Variants in CAPZB observed in about 807,000 individuals in gnomAD.
CAPZB encodes the protein F-actin-capping protein subunit beta.
In CAPZB, 2 loss-of-function variants were observed where a neutral mutation model predicts 38.1. The ratio of observed to expected loss-of-function variants is 0.05; its 90% CI spans 0.02 to 0.17. The LOEUF is 0.17. Ranked by LOEUF, CAPZB falls within the 10% of genes least tolerant of loss-of-function variation. The probability of loss-of-function intolerance (pLI) is 1.00; values close to 1 mark genes in which losing one functional copy is unlikely to be tolerated. For synonymous variants in CAPZB, 107 were observed against 127.4 expected (o/e 0.84, Z 1.08); for missense variants, 161 against 334.2 (o/e 0.48, Z 4.04).
chr1:19,484,767 A>G, intron 1 of CAPZB: 1 of 993,604 alleles, frequency 1.0e-6, no homozygotes, highest in Non-Finnish European at 1.2e-6. Flanking sequence ...GAGTGGCGAA[A>G]AGTCCAGGGA....
chr1:19,413,727 G>A (rs2094367314), intron 2 of CAPZB, among the ~76,000 whole-genome samples: 1 of 152,174 alleles, frequency 6.6e-6, no homozygotes, highest in South Asian at 2.1e-4. Flanking sequence ...GGGAAGCTAG[G>A]GAAGAAGAAA....
At chr1:19,390,370 C>T (rs1162286236) in intron 2 of CAPZB, among the ~76,000 whole-genome samples, 5 of 152,240 alleles carry the variant, frequency 3.3e-5, no homozygotes, top group South Asian at 4.1e-4. Flanking sequence ...TGCTGACACG[C>T]GGCAGCCGGA....
intron 1 of CAPZB, among the ~76,000 whole-genome samples, chr1:19,469,778 A>G (rs2094580687): frequency 6.7e-6 from 1 of 149,994 alleles, no homozygotes; most frequent in African/African-American, 2.5e-5. Context: ...ACACACACAC[A>G]CACACACGCC....
rs2094019363 is a variant in CAPZB, at chr1:19,356,040, A to C, written c.588+595T>G. Among the ~76,000 whole-genome samples, 1 of 152,148 alleles carries C rather than the reference A, an allele frequency of 6.6e-6. No homozygotes were observed. The highest frequency in any genetic ancestry group is 1.5e-5 in the Non-Finnish European group (1 of 68,030). On this transcript the variant is annotated intron_variant, in intron 6 of 8. Coordinates refer to ENST00000264202, the MANE Select transcript of CAPZB (RefSeq NM_004930.5). The surrounding 1 kb of genome is among the most constrained non-coding windows in gnomAD (Gnocchi z 4.3). ...GGAGAAGGGTTGCTAGTGATACCCA[A>C]ACAAAAGATGGATAAGAGAGAGGTA...
At chr1:19,454,776 T>C (rs1355849836) in intron 1 of CAPZB, among the ~76,000 whole-genome samples, 2 of 152,118 alleles carry the variant, frequency 1.3e-5, no homozygotes, top group Admixed American at 6.5e-5. Flanking sequence ...ATTCAAGGAG[T>C]AGAGCTTAGA....
At chr1:19,358,999 G>A (rs1466527191) in intron 4 of CAPZB, among the ~76,000 whole-genome samples, 1 of 152,208 alleles carries the variant, frequency 6.6e-6, no homozygotes, top group African/African-American at 2.4e-5. Context: ...CCAGCGGTGT[G>A]AATATGGGCC....
intron 2 of CAPZB, among the ~76,000 whole-genome samples, chr1:19,404,119 G>A (rs2094317583): frequency 6.6e-6 from 1 of 151,062 alleles, no homozygotes; most frequent in Admixed American, 6.6e-5. Context: ...TGTAGTCCCA[G>A]CTACTCGGGA....
At chr1:19,354,870 G>C (rs2094011619) in intron 6 of CAPZB, among the ~76,000 whole-genome samples, 1 of 152,200 alleles carries the variant, frequency 6.6e-6, no homozygotes, top group Non-Finnish European at 1.5e-5. Context: ...AGGCTGCAGG[G>C]GAGCTGGCTG....
chr1:19,435,385 G>C (rs1449284296), intron 1 of CAPZB, among the ~76,000 whole-genome samples: 5 of 152,134 alleles, frequency 3.3e-5, no homozygotes, highest in African/African-American at 1.2e-4. Context: ...GAAGCAACAA[G>C]TTCCAGTTCC....
intron 1 of CAPZB, among the ~76,000 whole-genome samples, chr1:19,427,512 G>C (rs1049130665): frequency 6.6e-6 from 1 of 152,188 alleles, no homozygotes; most frequent in Non-Finnish European, 1.5e-5. Context: ...TTTAAACGTC[G>C]AATCTGTTTT....
chr1:19,453,764 G>A (rs2100708567), intron 1 of CAPZB, among the ~76,000 whole-genome samples: 1 of 152,278 alleles, frequency 6.6e-6, no homozygotes, highest in Admixed American at 6.5e-5. Flanking sequence ...GCTTTGTCTT[G>A]TTCACCATCC....
chr1:19,481,442 C>T (rs1177437357), intron 1 of CAPZB, among the ~76,000 whole-genome samples: 1 of 152,200 alleles, frequency 6.6e-6, no homozygotes, highest in African/African-American at 2.4e-5. Context: ...CAGCACATGA[C>T]TTGGGCTGAC....
chr1:19,353,274 G>T (rs763729033), intron 6 of CAPZB, among the ~76,000 whole-genome samples: 1 of 152,146 alleles, frequency 6.6e-6, no homozygotes, highest in Non-Finnish European at 1.5e-5. Context: ...CCTGACACAC[G>T]TGGGGCAAGG....
At chr1:19,469,360 T>A (rs2094578901) in intron 1 of CAPZB, among the ~76,000 whole-genome samples, 1 of 152,140 alleles carries the variant, frequency 6.6e-6, no homozygotes, top group South Asian at 2.1e-4. Flanking sequence ...CCATTCATGG[T>A]AAGGACAAAG....
chr1:19,475,887 G>C (rs1049660653), intron 1 of CAPZB, among the ~76,000 whole-genome samples: 1 of 152,194 alleles, frequency 6.6e-6, no homozygotes, highest in Non-Finnish European at 1.5e-5. Flanking sequence ...GGCTGTGTCA[G>C]GGCCAGTGTG....
chr1:19,485,458 G>GCGGCGT lies in CAPZB; in HGVS notation c.-21_-20insACGCCG. 8.1e-7 allele frequency: 1 copy of GCGGCGT among 1,230,558 alleles called. No individual in the cohort carries two copies. Among genetic ancestry groups the GCGGCGT allele is most frequent in the Non-Finnish European group, 1.0e-6 (1 of 987,574 alleles). 76.2% of individuals were successfully genotyped at this position (1,230,558 alleles called of 1,614,324 possible). A position where few individuals can be genotyped will look rare whatever the true frequency, so the allele number is the denominator to read the frequency against. On this transcript the variant is annotated 5_prime_UTR_variant, in exon 1 of 9. Coordinates refer to ENST00000264202, the MANE Select transcript of CAPZB (RefSeq NM_004930.5). ...TACCATGGTGGCGGCGGCGGCGGCG[G>GCGGCGT]TCCCGGTCCCGGCGTCAGTGGCTCT...
At chr1:19,443,595 G>A (rs2094485962) in intron 1 of CAPZB, among the ~76,000 whole-genome samples, 1 of 151,262 alleles carries the variant, frequency 6.6e-6, no homozygotes, top group African/African-American at 2.4e-5. Context: ...TTCTCTCAGG[G>A]TATGCTTAAG....
At chr1:19,399,524 G>C (rs1323333005) in intron 2 of CAPZB, among the ~76,000 whole-genome samples, 1 of 152,156 alleles carries the variant, frequency 6.6e-6, no homozygotes, top group East Asian at 1.9e-4. Context: ...GCAGGGACTT[G>C]CCACTGGCCT....
chr1:19,401,191 A>C (rs1322570246), intron 2 of CAPZB, among the ~76,000 whole-genome samples: 1 of 150,146 alleles, frequency 6.7e-6, no homozygotes, highest in Non-Finnish European at 1.5e-5. Flanking sequence ...ACACATAGGC[A>C]GAATAAAAAC....
Sources: allele counts gnomAD v4.1 joint callset (sites outside exome capture counted in the v4.1 genomes callset), GRCh38; gene constraint gnomAD v4.1.1; non-coding constraint Gnocchi (gnomAD v3.1); transcripts MANE v1.5; gene names NCBI Gene and HGNC (gene_info 2026-07-23, HGNC 2026-07-21).